Variants in SLC12A3 observed in about 807,000 individuals in gnomAD.
SLC12A3 encodes the protein solute carrier family 12 member 3, also known as Na-Cl cotransporter.
In SLC12A3, 104 loss-of-function variants were observed where a neutral mutation model predicts 121.0. That is an observed-to-expected ratio of 0.86 (90% CI 0.73 to 1.01). SLC12A3 has a LOEUF of 1.01. Among genes scored for constraint, SLC12A3 ranks in the 50% least tolerant of loss-of-function variants. SLC12A3 has a pLI of 0.00. For synonymous variants in SLC12A3, 536 were observed against 533.4 expected (o/e 1.00, Z -0.07); for missense variants, 1,328 against 1,356.3 (o/e 0.98, Z 0.33).
intron 25 of SLC12A3, among the ~76,000 whole-genome samples, chr16:56,909,242 C>G (rs958014957): frequency 1.3e-5 from 2 of 150,646 alleles, no homozygotes; most frequent in East Asian, 3.9e-4. Context: ...AAGGATTGAT[C>G]GAGCCCAGGA....
intron 8 of SLC12A3, among the ~76,000 whole-genome samples, chr16:56,876,378 G>A (rs997211926): frequency 1.3e-5 from 2 of 152,200 alleles, no homozygotes; most frequent in African/African-American, 4.8e-5. Flanking sequence ...GTGGGAGGCT[G>A]GTGTGTTCTG....
At chr16:56,911,997 T>G (rs2055692417) in intron 25 of SLC12A3, among the ~76,000 whole-genome samples, 1 of 152,244 alleles carries the variant, frequency 6.6e-6, no homozygotes, top group African/African-American at 2.4e-5. Flanking sequence ...GCAAAGGTCA[T>G]CTGGCTGAGG....
Position 56,913,589 on chromosome 16 carries a change from T to G in SLC12A3, c.*184T>G. On this transcript the variant is annotated 3_prime_UTR_variant, in exon 26 of 26. Transcript: ENST00000563236. Reference sequence around the variant, plus strand: ...CTGGACTCCACTTCCATGGGACACATTCCCTGGGTCTTGTGTTTATAGGCT... The same window carrying G: ...CTGGACTCCACTTCCATGGGACACAGTCCCTGGGTCTTGTGTTTATAGGCT... 4 of 680,172 alleles carry G rather than the reference T, an allele frequency of 5.9e-6. No individual in the cohort carries two copies. The highest frequency in any genetic ancestry group is 1.1e-5 in the Non-Finnish European group (4 of 375,652). The allele number at this position is 680,172 out of a possible 1,614,324, so 42.1% of individuals were successfully genotyped here. A position where few individuals can be genotyped will look rare whatever the true frequency, so the allele number is the denominator to read the frequency against.
At position 56,902,456 on chromosome 16, in the gene SLC12A3, G is replaced by A. The variant is rs369424908; in HGVS notation, c.2804G>A (p.Arg935Gln). Residue 935 changes from arginine to glutamine, a missense_variant, in exon 24 of 26, where the codon CGG becomes CAG. By Grantham distance (43) the Arg-to-Gln change is conservative (BLOSUM62 1). Coordinates refer to ENST00000563236, the MANE Select transcript of SLC12A3 (RefSeq NM_001126108.2). ...GAGGCCACTGTCAACGAGATGCGGC[G>A]GGACTGCCCCTGGAAGATCTCAGAT... ...KDEATVNEMRRDCPWKISDEE... is the reference protein window; with the variant it reads ...KDEATVNEMRQDCPWKISDEE... The A allele has an allele frequency of 4.2e-5, 68 of 1,613,468 alleles. No homozygotes were observed. Among genetic ancestry groups the A allele is most frequent in the Middle Eastern group, 1.6e-4 (1 of 6,084 alleles).
intron 21 of SLC12A3, among the ~76,000 whole-genome samples, chr16:56,893,715 C>T (rs1416212819): frequency 1.3e-5 from 2 of 152,200 alleles, no homozygotes; most frequent in Non-Finnish European, 2.9e-5. Flanking sequence ...AATATTCACT[C>T]TTCAAGAACT....
intron 22 of SLC12A3, among the ~76,000 whole-genome samples, 160 bp downstream of exon 22, chr16:56,894,802 G>GGCAGGA (rs2055440206): frequency 6.6e-6 from 1 of 152,060 alleles, no homozygotes; most frequent in Admixed American, 6.6e-5. Flanking sequence ...CATGGCAGTG[G>GGCAGGA]GCAGGAGCAG....
Position 56,905,760 on chromosome 16 carries a change from A to T in SLC12A3, c.2924+1298A>T, listed in dbSNP as rs549173598. Among the ~76,000 whole-genome samples the T allele has an allele frequency of 1.4e-4, 22 of 152,288 alleles. 1 individual carries two copies. Among genetic ancestry groups the T allele is most frequent in the Admixed American group, 1.4e-3 (21 of 15,290 alleles). ...ATAGGATGTATGGAATTTGTTTTTT[A>T]AAAAATCTCACAGTGGTGGAAAGGA... On this transcript the variant is annotated intron_variant, in intron 25 of 25. Transcript: ENST00000563236.
rs55644914 is a variant in SLC12A3, at chr16:56,908,161, C to CTTTTTTTTTTTTTTTTTTTT, written c.2924+3718_2924+3719insTTTTTTTTTTTTTTTTTTTT. 8.7e-4 allele frequency among the ~76,000 whole-genome samples: 84 copies of CTTTTTTTTTTTTTTTTTTTT among 96,964 alleles called. 3 individuals are homozygous for CTTTTTTTTTTTTTTTTTTTT. The highest frequency in any genetic ancestry group is 2.5e-3 in the African/African-American group (55 of 21,864). 63.6% of individuals were successfully genotyped at this position (96,964 alleles called of 152,430 possible). On this transcript the variant is annotated intron_variant, in intron 25 of 25. Transcript: ENST00000563236. Reference sequence around the variant, plus strand: ...ATTCATTTCTCAGATAGTGATATAACTTTTTTTTTTTTTTTTTTTGAGGCA... The same window carrying CTTTTTTTTTTTTTTTTTTTT: ...ATTCATTTCTCAGATAGTGATATAACTTTTTTTTTTTTTTTTTTTTTTTTTTTTTTTTTTTTTTTGAGGCA...
At chr16:56,885,220 A>T (rs1440580583) in intron 14 of SLC12A3, 45 bp from the exon 15 acceptor site, 2 of 1,172,194 alleles carry the variant, frequency 1.7e-6, no homozygotes, top group Non-Finnish European at 2.5e-6. Flanking sequence ...TCCTCTAGTG[A>T]TTCCTAACTC....
chr16:56,890,306 T>C lies in SLC12A3; in HGVS notation c.2318T>C (p.Val773Ala). 6.2e-7 allele frequency: 1 copy of C among 1,614,146 alleles called. No individual in the cohort carries two copies. The highest frequency in any genetic ancestry group is 8.5e-7 in the Non-Finnish European group (1 of 1,180,020). The change falls in exon 19 of 26, where the codon GTC (valine) becomes GCC (alanine). Residue 773 changes from valine to alanine, a missense_variant. Transcript: ENST00000563236. ...DAFDFNYGVC[V>A]MRMREGLNVS... ...TTTGATTTCAACTATGGCGTGTGTG[T>C]CATGAGGATGCGGGAGGGACTCAAC...
intron 20 of SLC12A3, among the ~76,000 whole-genome samples, chr16:56,892,477 A>G (rs766075516): frequency 4.6e-5 from 7 of 152,160 alleles, no homozygotes; most frequent in Non-Finnish European, 8.8e-5. Flanking sequence ...AAATATTGCC[A>G]GGAGGTGGAG....
chr16:56,874,994 G>A (rs939667428), intron 8 of SLC12A3, among the ~76,000 whole-genome samples: 3 of 152,194 alleles, frequency 2.0e-5, no homozygotes, highest in Admixed American at 6.5e-5. Flanking sequence ...CTGAGGTCCC[G>A]CAGAGGTTGG....
At chr16:56,908,824 G>A (rs534888894) in intron 25 of SLC12A3, among the ~76,000 whole-genome samples, 6 of 152,356 alleles carry the variant, frequency 3.9e-5, no homozygotes, top group East Asian at 1.9e-4. Flanking sequence ...TGAGCGCTGG[G>A]TCCGAGCGCA....
chr16:56,868,341 G>C lies in SLC12A3; in HGVS notation c.474G>C (p.Arg158=), dbSNP rs535604077. The C allele has an allele frequency of 1.2e-5, 20 of 1,613,710 alleles. No individual in the cohort carries two copies. Among genetic ancestry groups the C allele is most frequent in the Non-Finnish European group, 1.4e-5 (16 of 1,179,962 alleles). ...TTTGGGGCGTGATCCTCTACCTGCG[G>C]CTGCCCTGGATTACGGCCCAGGCAG... ...LNIWGVILYL[R]LPWITAQAGI... is the part of the protein sequence containing the mutation. The change falls in exon 3 of 26, where the codon CGG becomes CGC. Residue 158 remains arginine, a synonymous_variant. Coordinates refer to ENST00000563236, the MANE Select transcript of SLC12A3 (RefSeq NM_001126108.2).
intron 18 of SLC12A3, among the ~76,000 whole-genome samples, chr16:56,889,381 G>A (rs1319346691): frequency 6.6e-6 from 1 of 152,198 alleles, no homozygotes; most frequent in Non-Finnish European, 1.5e-5. Context: ...CAGCCCATTG[G>A]CCCAAACCCC....
chr16:56,866,810 G>A (rs113828907), intron 1 of SLC12A3, among the ~76,000 whole-genome samples: 8 of 152,098 alleles, frequency 5.3e-5, no homozygotes, highest in African/African-American at 1.7e-4. Flanking sequence ...GTTTTACCTT[G>A]TTGCCCAGGC....
chr16:56,913,509 T>A lies in SLC12A3; in HGVS notation c.*104T>A. On this transcript the variant is annotated 3_prime_UTR_variant, in exon 26 of 26. Transcript: ENST00000563236. Reference sequence around the variant, plus strand: ...ATGAGACTCATGTTCTGTTGCACTTTAAGTGGCAGCATCTGATGATCTCAC... The same window carrying A: ...ATGAGACTCATGTTCTGTTGCACTTAAAGTGGCAGCATCTGATGATCTCAC... 1 of 1,183,536 alleles carries A rather than the reference T, an allele frequency of 8.4e-7. No individual in the cohort carries two copies. The highest frequency in any genetic ancestry group is 1.3e-6 in the Non-Finnish European group (1 of 788,500). The allele number at this position is 1,183,536 out of a possible 1,614,324, so 73.3% of individuals were successfully genotyped here.
chr16:56,895,195 T>A (rs1350752726), intron 22 of SLC12A3, among the ~76,000 whole-genome samples: 2 of 143,392 alleles, frequency 1.4e-5, no homozygotes, highest in East Asian at 2.0e-4. Context: ...TATTTTAATT[T>A]TTTTTTTTTT....
chr16:56,893,959 TTTTTATTTTTATTTTA>T (rs1175404087), intron 21 of SLC12A3, among the ~76,000 whole-genome samples: 11 of 142,216 alleles, frequency 7.7e-5, no homozygotes, highest in African/African-American at 1.1e-4. Context: ...TGTATTTTTA[TTTTTATTTTTATTTTA>T]TTTATTTATT....
Sources: gnomAD v4.1 joint callset for allele counts (sites outside exome capture counted in the v4.1 genomes callset) on GRCh38, gnomAD v4.1.1 for gene constraint, MANE v1.5 for transcripts, NCBI Gene and HGNC (gene_info 2026-07-23, HGNC 2026-07-21) for gene names.